The following PTGFR variants were observed in gnomAD, a reference collection of about 807,000 sequenced individuals.
PTGFR encodes the protein prostaglandin F2-alpha receptor.
A neutral mutation model predicts 26.2 loss-of-function variants in PTGFR; 15 were observed. That is an observed-to-expected ratio of 0.57 (90% CI 0.38 to 0.88). PTGFR has a LOEUF of 0.88. Ranked by LOEUF, PTGFR falls within the 40% of genes least tolerant of loss-of-function variation. The probability of loss-of-function intolerance (pLI) is 0.00; values close to 1 mark genes in which losing one functional copy is unlikely to be tolerated. For synonymous variants in PTGFR, 165 were observed against 151.1 expected (o/e 1.09, Z -0.68); for missense variants, 369 against 427.2 (o/e 0.86, Z 1.20).
At position 78,493,520 on chromosome 1, in the gene PTGFR, T is replaced by C. The variant is rs138937723; in HGVS notation, c.777T>C (p.Cys259=). 27 of 1,543,072 alleles carry C rather than the reference T, an allele frequency of 1.7e-5. No homozygotes were observed. Among genetic ancestry groups the C allele is most frequent in the Admixed American group, 1.5e-4 (7 of 47,984 alleles). The part of the protein sequence containing the change: ...IQLLAIMCVS[C]ICWSPFLVTM... Reference sequence around the variant, plus strand: ...TCCTGGCGATAATGTGTGTCTCCTGTATTTGTTGGAGCCCATTTCTGGTAA... The same window carrying C: ...TCCTGGCGATAATGTGTGTCTCCTGCATTTGTTGGAGCCCATTTCTGGTAA... Residue 259 remains cysteine (C), a synonymous_variant, in exon 2 of 3, where the codon TGT becomes TGC. Coordinates refer to ENST00000370757, the MANE Select transcript of PTGFR (RefSeq NM_000959.4).
rs571177845 is a variant in PTGFR, at chr1:78,538,251, G to T, written c.*1564G>T. 2 of 152,014 alleles carry T rather than the reference G, an allele frequency of 1.3e-5. No individual in the cohort carries two copies. Among genetic ancestry groups the T allele is most frequent in the Non-Finnish European group, 2.9e-5 (2 of 67,984 alleles). The allele number at this position is 152,014 out of a possible 1,614,324, so 9.4% of individuals were successfully genotyped here. ...ATGAATATTTCCATGTATTTTGACT[G>T]GGGAGAGGCATGGAGAAGAAACTCT... On this transcript the variant is annotated 3_prime_UTR_variant, in exon 3 of 3. Coordinates refer to ENST00000370757, the MANE Select transcript of PTGFR (RefSeq NM_000959.4).
At chr1:78,492,538 T>G in intron 1 of PTGFR, 134 bp from the exon 2 acceptor site, 1 of 524,596 alleles carries the variant, frequency 1.9e-6, no homozygotes, top group Non-Finnish European at 3.3e-6. Context: ...ATGAGCTGCT[T>G]TCAGTATGAT....
At chr1:78,535,334 A>G (rs1650620214) in intron 2 of PTGFR, among the ~76,000 whole-genome samples, 1 of 152,172 alleles carries the variant, frequency 6.6e-6, no homozygotes. Flanking sequence ...ATGCATCATC[A>G]AGGAGCTAGC....
At chr1:78,530,250 C>T (rs1047134230) in intron 2 of PTGFR, among the ~76,000 whole-genome samples, 1 of 152,158 alleles carries the variant, frequency 6.6e-6, no homozygotes, top group African/African-American at 2.4e-5. Context: ...ATTGTTTTGA[C>T]AGCCATCCTT....
intron 2 of PTGFR, among the ~76,000 whole-genome samples, chr1:78,512,316 G>T (rs1005563168): frequency 2.0e-5 from 3 of 152,158 alleles, no homozygotes; most frequent in African/African-American, 7.2e-5. Flanking sequence ...ACCTGAGACT[G>T]GGTAATTTTT....
chr1:78,525,115 CCTTA>C (rs1180576357), intron 2 of PTGFR, among the ~76,000 whole-genome samples: 2 of 151,736 alleles, frequency 1.3e-5, no homozygotes, highest in African/African-American at 2.4e-5. Flanking sequence ...ATACTTCCAG[CCTTA>C]CTTAACCTCT....
chr1:78,527,476 A>G (rs569285325), intron 2 of PTGFR, among the ~76,000 whole-genome samples: 1 of 152,240 alleles, frequency 6.6e-6, no homozygotes, highest in South Asian at 2.1e-4. Flanking sequence ...AATGAAGTAT[A>G]AAAATGTAAT....
In PTGFR at chr1:78,493,170, C is replaced by T. The variant is rs866779560; in HGVS notation, c.427C>T (p.His143Tyr). ...TATTGGAGTCACAAAACCAATATTT[C>T]ATTCTACGAAAATTACATCCAAACA... ...RCIGVTKPIF[H>Y]STKITSKHVK... The change falls in exon 2 of 3, where the codon CAT becomes TAT. Residue 143 changes from histidine (H) to tyrosine (Y), a missense_variant. By Grantham distance (83) the His-to-Tyr change is moderately conservative (BLOSUM62 2). Coordinates refer to ENST00000370757, the MANE Select transcript of PTGFR (RefSeq NM_000959.4). 6.2e-7 allele frequency: 1 copy of T among 1,614,078 alleles called. No individual in the cohort carries two copies. The highest frequency in any genetic ancestry group is 1.7e-5 in the Admixed American group (1 of 60,012).
chr1:78,525,753 C>T lies in PTGFR; in HGVS notation c.799-10653C>T, dbSNP rs115110274. On this transcript the variant is annotated intron_variant, in intron 2 of 2. Transcript: ENST00000370757. The stretch of plus-strand genomic sequence containing the variant: ...TATTTAGGGTCCCACAGTGAGTCAC[C>T]ACATTAACAGAAATTGAGACTTGGT... Among the ~76,000 whole-genome samples, 146 of 152,080 alleles carry T rather than the reference C, an allele frequency of 9.6e-4. 1 individual carries two copies. The highest frequency in any genetic ancestry group is 3.3e-3 in the African/African-American group (138 of 41,502).
At chr1:78,530,380 TTA>T (rs1463359540) in intron 2 of PTGFR, among the ~76,000 whole-genome samples, 6 of 152,312 alleles carry the variant, frequency 3.9e-5, no homozygotes, top group Middle Eastern at 3.4e-3. Flanking sequence ...TCCTACTTTT[TTA>T]AAAAGATGCT....
In PTGFR at chr1:78,536,466, C is replaced by G. The variant is rs1313894893; in HGVS notation, c.859C>G (p.Leu287Val). The G allele has an allele frequency of 5.6e-6, 9 of 1,612,948 alleles. No individual in the cohort carries two copies. Among genetic ancestry groups the G allele is most frequent in the East Asian group, 2.2e-5 (1 of 44,834 alleles). ...NHSLETCETT[L>V]FALRMATWNQ... ...TTCTCTGGAAACCTGTGAAACAACA[C>G]TTTTTGCTCTCCGAATGGCAACATG... Residue 287 changes from leucine (L) to valine (V), a missense_variant, in exon 3 of 3, where the codon CTT becomes GTT. Coordinates refer to ENST00000370757, the MANE Select transcript of PTGFR (RefSeq NM_000959.4).
chr1:78,510,218 A>AT (rs1047214224), intron 2 of PTGFR, among the ~76,000 whole-genome samples: 3 of 152,220 alleles, frequency 2.0e-5, no homozygotes, highest in Non-Finnish European at 4.4e-5. Flanking sequence ...GGATGAATGC[A>AT]TTAGTGCATT....
intron 2 of PTGFR, among the ~76,000 whole-genome samples, chr1:78,524,179 G>C (rs1040614843): frequency 2.6e-5 from 4 of 151,956 alleles, no homozygotes; most frequent in Non-Finnish European, 5.9e-5. Flanking sequence ...GTGTGAACCT[G>C]TCCCTGTATG....
At chr1:78,521,132 C>A (rs569413168) in intron 2 of PTGFR, among the ~76,000 whole-genome samples, 3 of 152,180 alleles carry the variant, frequency 2.0e-5, no homozygotes, top group Admixed American at 6.5e-5. Flanking sequence ...GTGACTTTTG[C>A]TCACTGCAAC....
chr1:78,535,200 G>A (rs948290964), intron 2 of PTGFR, among the ~76,000 whole-genome samples: 2 of 152,068 alleles, frequency 1.3e-5, no homozygotes, highest in African/African-American at 4.8e-5. Context: ...AACAAAAGGA[G>A]TTACACAAAC....
chr1:78,536,744 A>G lies in PTGFR; in HGVS notation c.*57A>G, dbSNP rs1324184497. 7 of 1,527,852 alleles carry G rather than the reference A, an allele frequency of 4.6e-6. No homozygotes were observed. Among genetic ancestry groups the G allele is most frequent in the Non-Finnish European group, 6.2e-6 (7 of 1,137,592 alleles). 94.6% of individuals were successfully genotyped at this position (1,527,852 alleles called of 1,614,324 possible). On this transcript the variant is annotated 3_prime_UTR_variant, in exon 3 of 3. Coordinates refer to ENST00000370757, the MANE Select transcript of PTGFR (RefSeq NM_000959.4). ...GAACAAAATTAAGACATGTTTGGCA[A>G]TATTTCAGTTAGTTAAATACCTGTA...
chr1:78,534,239 C>T (rs150436135), intron 2 of PTGFR, among the ~76,000 whole-genome samples: 127 of 152,186 alleles, frequency 8.3e-4, no homozygotes, highest in African/African-American at 2.8e-3. Context: ...AATACAAGTG[C>T]GGGTGGGCTA....
chr1:78,531,129 C>G (rs913680158), intron 2 of PTGFR, among the ~76,000 whole-genome samples: 3 of 152,100 alleles, frequency 2.0e-5, no homozygotes, highest in Non-Finnish European at 4.4e-5. Flanking sequence ...GAGATACTGA[C>G]AGGTATATTT....
chr1:78,510,034 A>G (rs922050130), intron 2 of PTGFR, among the ~76,000 whole-genome samples: 8 of 152,216 alleles, frequency 5.3e-5, no homozygotes, highest in Admixed American at 3.3e-4. Flanking sequence ...TCCAAAGATT[A>G]CCTGCTAAAT....
Sources: allele counts gnomAD v4.1 joint callset (sites outside exome capture counted in the v4.1 genomes callset), GRCh38; gene constraint gnomAD v4.1.1; transcripts MANE v1.5; gene names NCBI Gene and HGNC (gene_info 2026-07-23, HGNC 2026-07-21).